NTM: variants seen among roughly 807,000 people sequenced by gnomAD.
The protein encoded by NTM is neurotrimin.
A neutral mutation model predicts 42.1 loss-of-function variants in NTM; 13 were observed. That is an observed-to-expected ratio of 0.31 (90% CI 0.20 to 0.49). NTM has a LOEUF of 0.49. NTM is among the 20% of genes least tolerant of loss of function. The probability of loss-of-function intolerance (pLI) is 0.99; values close to 1 mark genes in which losing one functional copy is unlikely to be tolerated. For missense variants in NTM, 373 were observed against 452.8 expected (o/e 0.82, Z 1.60); for synonymous variants, 187 against 179.2 (o/e 1.04, Z -0.35).
chr11:131,971,019 A>G (rs2063459758), intron 2 of NTM, among the ~76,000 whole-genome samples: 1 of 152,210 alleles, frequency 6.6e-6, no homozygotes, highest in Non-Finnish European at 1.5e-5. Context: ...CCTCTAACCC[A>G]AACAAGCCTA....
chr11:131,749,892 T>C (rs1361045979), intron 1 of NTM, among the ~76,000 whole-genome samples: 1 of 152,170 alleles, frequency 6.6e-6, no homozygotes, highest in Non-Finnish European at 1.5e-5. Context: ...CATCGTTTTA[T>C]GTAGAGGATA....
intron 4 of NTM, among the ~76,000 whole-genome samples, chr11:132,271,000 A>G (rs1307862082): frequency 2.0e-5 from 3 of 152,198 alleles, no homozygotes; most frequent in Non-Finnish European, 2.9e-5. Flanking sequence ...ATTGTTGTGC[A>G]ATACAATCAA....
At chr11:132,310,046 G>T in intron 5 of NTM, 66 bp from the exon 6 acceptor site, 1 of 1,468,482 alleles carries the variant, frequency 6.8e-7, no homozygotes, top group Non-Finnish European at 9.0e-7. Context: ...ACAAGAGCAA[G>T]ACTCCATCTC....
At chr11:131,645,478 G>A (rs2065661262) in intron 1 of NTM, among the ~76,000 whole-genome samples, 1 of 152,168 alleles carries the variant, frequency 6.6e-6, no homozygotes, top group African/African-American at 2.4e-5. Context: ...AGACCTACAT[G>A]CTAAATAGGG....
chr11:131,645,964 A>C (rs1302172389), intron 1 of NTM, among the ~76,000 whole-genome samples: 4 of 152,238 alleles, frequency 2.6e-5, no homozygotes, highest in Admixed American at 1.3e-4. Flanking sequence ...TAAAGTATGA[A>C]ACCTAATATC....
At chr11:132,119,732 G>A (rs2064459125) in intron 2 of NTM, among the ~76,000 whole-genome samples, 1 of 152,214 alleles carries the variant, frequency 6.6e-6, no homozygotes, top group Non-Finnish European at 1.5e-5. Flanking sequence ...TATCTGATGG[G>A]CTTTGGGGAC....
chr11:131,868,048 T>G (rs557233372), intron 1 of NTM, among the ~76,000 whole-genome samples: 8 of 152,292 alleles, frequency 5.3e-5, no homozygotes, highest in Middle Eastern at 3.4e-3. Context: ...GACTTGCTGA[T>G]TGAATTGCAG....
At chr11:132,304,831 T>C (rs141812882) in intron 4 of NTM, among the ~76,000 whole-genome samples, 5 of 152,316 alleles carry the variant, frequency 3.3e-5, no homozygotes, top group African/African-American at 1.2e-4. Flanking sequence ...GAAGTCATTG[T>C]GATTTCTCTG....
At chr11:131,830,181 T>G (rs1317076459) in intron 1 of NTM, among the ~76,000 whole-genome samples, 1 of 152,224 alleles carries the variant, frequency 6.6e-6, no homozygotes, top group Admixed American at 6.5e-5. Flanking sequence ...TTCATTTGAT[T>G]AAGTTCCACT....
intron 2 of NTM, among the ~76,000 whole-genome samples, chr11:131,989,742 C>CACAG (rs759660435): frequency 6.7e-6 from 1 of 149,362 alleles, no homozygotes; most frequent in Non-Finnish European, 1.5e-5. Flanking sequence ...CACACACACA[C>CACAG]ATGAACACAT....
chr11:131,764,779 T>C (rs1175113998), intron 1 of NTM, among the ~76,000 whole-genome samples: 4 of 152,092 alleles, frequency 2.6e-5, no homozygotes, highest in Non-Finnish European at 5.9e-5. Context: ...TCGAAGTTGC[T>C]CCTTCCTATA....
intron 2 of NTM, among the ~76,000 whole-genome samples, chr11:131,949,147 A>T (rs1012382032): frequency 6.6e-6 from 1 of 152,228 alleles, no homozygotes; most frequent in Non-Finnish European, 1.5e-5. Context: ...GTGTCGTCAC[A>T]TATGGCAGAT....
chr11:132,298,893 TAC>T (rs58560034), intron 4 of NTM, among the ~76,000 whole-genome samples: 25 of 151,178 alleles, frequency 1.7e-4, no homozygotes, highest in South Asian at 8.3e-4. Flanking sequence ...TATGTGTGTA[TAC>T]ACACACACAC....
chr11:132,240,775 T>G (rs539742538), intron 4 of NTM, among the ~76,000 whole-genome samples: 1 of 152,224 alleles, frequency 6.6e-6, no homozygotes, highest in Non-Finnish European at 1.5e-5. Flanking sequence ...CACGTTGAGA[T>G]ATGTCGTCAG....
At chr11:131,854,684 G>T (rs1010741481) in intron 1 of NTM, among the ~76,000 whole-genome samples, 1 of 152,140 alleles carries the variant, frequency 6.6e-6, no homozygotes, top group Non-Finnish European at 1.5e-5. Context: ...AAGGAGTTTG[G>T]ATTTTGTTTT....
intron 2 of NTM, among the ~76,000 whole-genome samples, chr11:132,078,571 A>G (rs974786035): frequency 1.4e-4 from 21 of 152,262 alleles, no homozygotes; most frequent in Non-Finnish European, 2.9e-5. Context: ...CCTAAGAGAC[A>G]TGAAAGAAAG....
At chr11:132,038,646 C>G (rs929957947) in intron 2 of NTM, among the ~76,000 whole-genome samples, 2 of 152,188 alleles carry the variant, frequency 1.3e-5, no homozygotes, top group Middle Eastern at 3.2e-3. Context: ...TGTTGCTGCA[C>G]TTACTGATGT....
chr11:131,893,194 T>G (rs1361100967), intron 1 of NTM, among the ~76,000 whole-genome samples: 2 of 152,172 alleles, frequency 1.3e-5, no homozygotes, highest in African/African-American at 2.4e-5. Flanking sequence ...TTTTGGGTGC[T>G]CAATTGTTTA....
At chr11:131,780,945 A>T (rs75697698) in intron 1 of NTM, among the ~76,000 whole-genome samples, 1,564 of 152,304 alleles carry the variant, frequency 0.01, 28 homozygotes, top group African/African-American at 0.036. Flanking sequence ...TCGTACTTAC[A>T]AGATGAATAC....
Sources: gnomAD v4.1 joint callset for allele counts (sites outside exome capture counted in the v4.1 genomes callset) on GRCh38, gnomAD v4.1.1 for gene constraint, MANE v1.5 for transcripts, NCBI Gene and HGNC (gene_info 2026-07-23, HGNC 2026-07-21) for gene names.